Variants in QTGAL observed in about 807,000 individuals in gnomAD.
QTGAL encodes the protein queuosine-tRNA galactosyltransferase.
the QTGAL span, among the ~76,000 whole-genome samples, chr17:83,018,240 C>CG: frequency 1.1e-5 from 1 of 93,468 alleles, no homozygotes; most frequent in Non-Finnish European, 2.5e-5. Flanking sequence ...ACGTGCTCCA[C>CG]AAACACGGTG....
the QTGAL span, chr17:82,957,335 G>T: frequency 6.2e-7 from 1 of 1,613,754 alleles, no homozygotes; most frequent in South Asian, 1.1e-5. Flanking sequence ...GGCAGGCAGT[G>T]TTGGAGGGTG....
chr17:82,989,507 A>C, the QTGAL span, among the ~76,000 whole-genome samples: 1 of 152,012 alleles, frequency 6.6e-6, no homozygotes, highest in Non-Finnish European at 1.5e-5. Flanking sequence ...AAAAAAAAAA[A>C]AAAAAAAAAG....
the QTGAL span, chr17:83,048,366 C>A: frequency 1.9e-6 from 2 of 1,042,272 alleles, no homozygotes; most frequent in Non-Finnish European, 1.5e-6. Flanking sequence ...CCAATTACCA[C>A]CAGGATACTT....
At chr17:83,000,310 G>A in the QTGAL span, among the ~76,000 whole-genome samples, 1 of 152,178 alleles carries the variant, frequency 6.6e-6, no homozygotes, top group African/African-American at 2.4e-5. Flanking sequence ...GGGAGGAGCT[G>A]TGCTTGCGGA....
the QTGAL span, among the ~76,000 whole-genome samples, chr17:83,030,518 A>G: frequency 3.9e-4 from 59 of 152,238 alleles, no homozygotes; most frequent in Non-Finnish European, 7.1e-4. Flanking sequence ...TCTAGACGGC[A>G]CTGCTGCTCG....
the QTGAL span, among the ~76,000 whole-genome samples, chr17:82,997,302 T>C: frequency 9.2e-5 from 14 of 152,352 alleles, no homozygotes; most frequent in East Asian, 2.7e-3. Flanking sequence ...TCAACATCAC[T>C]GATCATCAGA....
At chr17:83,034,563 A>T in the QTGAL span, among the ~76,000 whole-genome samples, 16 of 152,104 alleles carry the variant, frequency 1.1e-4, no homozygotes, top group Admixed American at 5.2e-4. Context: ...CTCATCTTGA[A>T]TTAATAACTA....
the QTGAL span, among the ~76,000 whole-genome samples, chr17:83,038,044 G>A: frequency 5.3e-5 from 8 of 152,058 alleles, no homozygotes; most frequent in East Asian, 3.9e-4. Flanking sequence ...TTTAGCAAGC[G>A]GCGACGTTAT....
chr17:83,015,754 G>A, the QTGAL span, among the ~76,000 whole-genome samples: 2 of 152,272 alleles, frequency 1.3e-5, no homozygotes, highest in African/African-American at 2.4e-5. The surrounding 1 kb of genome is among the most constrained non-coding windows in gnomAD (Gnocchi z 4.4). Context: ...TCACAGGAGC[G>A]CAAACCCTAC....
the QTGAL span, chr17:82,961,347 A>G: frequency 2.4e-6 from 2 of 840,266 alleles, no homozygotes; most frequent in Admixed American, 6.1e-5. Flanking sequence ...GGCGGCGACC[A>G]CAACAGACGT....
At chr17:83,006,235 G>A in the QTGAL span, 18 of 985,536 alleles carry the variant, frequency 1.8e-5, no homozygotes, top group African/African-American at 2.6e-4. The surrounding 1 kb of genome is among the most constrained non-coding windows in gnomAD (Gnocchi z 5.8). Flanking sequence ...CTGAAGCGAT[G>A]AAGTCACACC....
the QTGAL span, among the ~76,000 whole-genome samples, chr17:83,031,969 C>T: frequency 4.6e-5 from 7 of 152,258 alleles, no homozygotes; most frequent in African/African-American, 1.4e-4. Context: ...AAGGTGCCCA[C>T]AGGCCCAGCC....
At chr17:83,051,292 A>AGGTGCGCGGGGGCGGGGCAGGTGCGCC in the QTGAL span, among the ~76,000 whole-genome samples, 1 of 80,960 alleles carries the variant, frequency 1.2e-5, no homozygotes, top group Non-Finnish European at 2.6e-5. Context: ...GCAGGTGCGC[A>AGGTGCGCGGGGGCGGGGCAGGTGCGCC]GGAGCGAGGC....
chr17:83,044,138 G>A, the QTGAL span, among the ~76,000 whole-genome samples: 1 of 152,148 alleles, frequency 6.6e-6, no homozygotes, highest in Non-Finnish European at 1.5e-5. Context: ...ATTCTATGAG[G>A]CCAGTATTAC....
chr17:83,048,504 T>G, the QTGAL span: 1 of 1,613,776 alleles, frequency 6.2e-7, no homozygotes, highest in Non-Finnish European at 8.5e-7. Context: ...TGCCCCCCAA[T>G]GATCACGTGG....
the QTGAL span, among the ~76,000 whole-genome samples, chr17:83,036,176 G>A: frequency 1.3e-4 from 20 of 152,214 alleles, no homozygotes; most frequent in African/African-American, 4.3e-4. Flanking sequence ...AGTGCAGAAT[G>A]GAAAAGCTGG....
the QTGAL span, among the ~76,000 whole-genome samples, chr17:83,002,886 C>CTCCCGCCCTCCGCAG: frequency 7.3e-5 from 5 of 68,142 alleles, no homozygotes; most frequent in Admixed American, 2.9e-4. Flanking sequence ...TGAGCCCGCC[C>CTCCCGCCCTCCGCAG]TCCGCGTGTG....
At chr17:82,995,848 T>A in the QTGAL span, among the ~76,000 whole-genome samples, 1 of 151,570 alleles carries the variant, frequency 6.6e-6, no homozygotes, top group African/African-American at 2.4e-5. Context: ...TGCAAGAAAT[T>A]AAAGAAGAGT....
At chr17:82,973,736 C>T in the QTGAL span, among the ~76,000 whole-genome samples, 4 of 152,134 alleles carry the variant, frequency 2.6e-5, no homozygotes, top group Admixed American at 6.5e-5. Context: ...GTCAAACGAG[C>T]GGGCACAGAG....
Sources: gnomAD v4.1 joint callset for allele counts (sites outside exome capture counted in the v4.1 genomes callset) on GRCh38, gnomAD v4.1.1 for gene constraint, Gnocchi (gnomAD v3.1) non-coding constraint, MANE v1.5 for transcripts, NCBI Gene and HGNC (gene_info 2026-07-23, HGNC 2026-07-21) for gene names.